Variants in AAGAB observed in about 807,000 individuals in gnomAD.
AAGAB encodes the protein alpha and gamma adaptin binding protein, also known as alpha- and gamma-adaptin-binding protein p34.
Under a neutral mutation model 44.1 loss-of-function variants are expected in AAGAB, and 38 were observed. The observed-to-expected ratio is 0.86, with a 90% CI of 0.67 to 1.13. AAGAB has a LOEUF of 1.13. AAGAB is among the 50% of genes most tolerant of loss of function. The pLI is 0.00. For synonymous variants in AAGAB, 131 were observed against 131.8 expected, an observed-to-expected ratio of 0.99 and a Z score of 0.04; for missense variants, 450 against 373.8, an observed-to-expected ratio of 1.20 and a Z score of -1.68.
upstream of AAGAB, chr15:67,254,929 C>T (rs777735907): frequency 1.9e-6 from 3 of 1,613,628 alleles, no homozygotes; most frequent in South Asian, 2.2e-5. Flanking sequence ...ACGACCCTGT[C>T]GGATCCATCT....
chr15:67,250,749 G>A (rs1291736293), intron 1 of AAGAB, among the ~76,000 whole-genome samples: 2 of 152,082 alleles, frequency 1.3e-5, no homozygotes, highest in African/African-American at 2.4e-5. Context: ...CCCTGTCGCC[G>A]GGTGCGGTGG....
At chr15:67,218,585 A>C (rs1345214928) in intron 5 of AAGAB, among the ~76,000 whole-genome samples, 1 of 152,206 alleles carries the variant, frequency 6.6e-6, no homozygotes, top group Non-Finnish European at 1.5e-5. Flanking sequence ...TAGATCATCT[A>C]GGCTTGCAAT....
chr15:67,254,250 T>C (rs151328686), intron 1 of AAGAB: 4,514 of 424,580 alleles, frequency 0.011, 33 homozygotes, highest in Non-Finnish European at 0.014. Flanking sequence ...CTAGCGCAAT[T>C]TCCGGAGAGC....
chr15:67,230,019 G>GT (rs1209165292), intron 5 of AAGAB, among the ~76,000 whole-genome samples: 1 of 150,970 alleles, frequency 6.6e-6, no homozygotes, highest in African/African-American at 2.4e-5. Flanking sequence ...GCTAATTTTT[G>GT]TATTTTTTTT....
At chr15:67,252,896 T>C (rs1964904104) in intron 1 of AAGAB, among the ~76,000 whole-genome samples, 1 of 152,212 alleles carries the variant, frequency 6.6e-6, no homozygotes, top group South Asian at 2.1e-4. Context: ...GCAAAGAAAT[T>C]ATAATTATAC....
At position 67,203,599 on chromosome 15, in the gene AAGAB, TA is replaced by T; in HGVS notation, c.821-3del. The T allele has an allele frequency of 1.2e-6, 2 of 1,613,292 alleles. No homozygotes were observed. Among genetic ancestry groups the T allele is most frequent in the Non-Finnish European group, 1.7e-6 (2 of 1,179,706 alleles). ...CATGAGGAAGCGTCGCAGCCTTGTC[TA>T]GGGGGAAAATATATCTTAAGAAATT... On this transcript the variant is annotated splice_polypyrimidine_tract_variant and splice_region_variant and intron_variant, in intron 8 of 9. Transcript: ENST00000261880.
chr15:67,222,240 GCGCACACACACACACACACACA>G (rs1387690623), intron 5 of AAGAB, among the ~76,000 whole-genome samples: 6 of 88,194 alleles, frequency 6.8e-5, no homozygotes, highest in African/African-American at 1.3e-4. Context: ...ACGCGCGCGC[GCGCACACACACACACACACACA>G]CACACACACA....
At chr15:67,243,496 C>T (rs1272515107) in intron 1 of AAGAB, among the ~76,000 whole-genome samples, 4 of 152,140 alleles carry the variant, frequency 2.6e-5, no homozygotes, top group Non-Finnish European at 1.5e-5. Flanking sequence ...CAAAGGTCAA[C>T]ACCTTTAGAC....
intron 5 of AAGAB, among the ~76,000 whole-genome samples, chr15:67,228,631 C>T (rs978595328): frequency 2.0e-5 from 3 of 152,136 alleles, no homozygotes; most frequent in African/African-American, 7.2e-5. Flanking sequence ...TCAGTATACA[C>T]CCAAAGGAAT....
intron 5 of AAGAB, among the ~76,000 whole-genome samples, chr15:67,213,244 G>A (rs528513879): frequency 4.5e-4 from 69 of 152,164 alleles, no homozygotes; most frequent in Non-Finnish European, 4.4e-4. Flanking sequence ...GAAAAAATCT[G>A]GCGGTGCTGG....
intron 5 of AAGAB, among the ~76,000 whole-genome samples, chr15:67,218,748 A>G (rs1036895697): frequency 6.6e-6 from 1 of 152,232 alleles, no homozygotes; most frequent in African/African-American, 2.4e-5. Flanking sequence ...CAATAAAGGG[A>G]CATTATCAAA....
At chr15:67,220,129 G>A (rs1964034958) in intron 5 of AAGAB, among the ~76,000 whole-genome samples, 1 of 152,172 alleles carries the variant, frequency 6.6e-6, no homozygotes, top group African/African-American at 2.4e-5. Flanking sequence ...GCTGTACTTT[G>A]TTAAGTGCAA....
rs368646824 is a variant in AAGAB, at chr15:67,243,873, T to C, written c.74-7053A>G. Reference sequence around the variant, plus strand: ...GATAAAGTCTATCTCAAGTGTCTTCTTTGATTATTAACCATAAAAATTATT... The same window carrying C: ...GATAAAGTCTATCTCAAGTGTCTTCCTTGATTATTAACCATAAAAATTATT... On this transcript the variant is annotated intron_variant, in intron 1 of 9. Coordinates refer to ENST00000261880, the MANE Select transcript of AAGAB (RefSeq NM_024666.5). 3.3e-5 allele frequency among the ~76,000 whole-genome samples: 5 copies of C among 152,256 alleles called. No homozygotes were observed. In the East Asian group the frequency reaches 7.7e-4, roughly 23 times the overall value.
At chr15:67,252,295 T>C (rs904216031) in intron 1 of AAGAB, among the ~76,000 whole-genome samples, 26 of 152,348 alleles carry the variant, frequency 1.7e-4, no homozygotes, top group African/African-American at 5.8e-4. Flanking sequence ...AAGACTTCCA[T>C]GTATCGCTAA....
At chr15:67,207,364 T>C (rs1057182205) in intron 7 of AAGAB, among the ~76,000 whole-genome samples, 1 of 152,192 alleles carries the variant, frequency 6.6e-6, no homozygotes, top group Non-Finnish European at 1.5e-5. Context: ...ACATCTGTAT[T>C]TATTTTCTTA....
chr15:67,244,783 AAG>A lies in AAGAB; in HGVS notation c.74-7965_74-7964del, dbSNP rs897729171. ...CACACCACTGCACTCCAGCCTGGGC[AAG>A]AGAGTGAGACTCCGTCTTAAAAAAA... On this transcript the variant is annotated intron_variant, in intron 1 of 9. Transcript: ENST00000261880. Among the ~76,000 whole-genome samples, 19 of 152,202 alleles carry A rather than the reference AAG, an allele frequency of 1.2e-4. 1 individual carries two copies. The highest frequency in any genetic ancestry group is 4.6e-4 in the African/African-American group (19 of 41,536).
chr15:67,214,268 A>T (rs915488891), intron 5 of AAGAB, among the ~76,000 whole-genome samples: 2 of 152,248 alleles, frequency 1.3e-5, no homozygotes, highest in African/African-American at 4.8e-5. Flanking sequence ...TGAATAACTC[A>T]GGACTGAATA....
chr15:67,245,031 G>A (rs545229639), intron 1 of AAGAB, among the ~76,000 whole-genome samples: 41 of 152,072 alleles, frequency 2.7e-4, no homozygotes, highest in African/African-American at 9.2e-4. Flanking sequence ...CCAAAGATAC[G>A]GAGAAATTAG....
chr15:67,203,587 C>T lies in AAGAB; in HGVS notation c.831G>A (p.Ala277=), dbSNP rs749299363. The T allele has an allele frequency of 1.2e-6, 2 of 1,613,550 alleles. No individual in the cohort carries two copies. The highest frequency in any genetic ancestry group is 1.7e-5 in the Admixed American group (1 of 60,010). ...CTTTTCTTTGCTCATGAGGAAGCGT[C>T]GCAGCCTTGTCTAGGGGGAAAATAT... ...SKLKEMKDKA[A]TLPHEQRKVH... is the part of the protein sequence containing the mutation. Residue 277 remains alanine, a synonymous_variant, in exon 9 of 10, where the codon GCG becomes GCA. Coordinates refer to ENST00000261880, the MANE Select transcript of AAGAB (RefSeq NM_024666.5).
Sources: gnomAD v4.1 joint callset for allele counts (sites outside exome capture counted in the v4.1 genomes callset) on GRCh38, gnomAD v4.1.1 for gene constraint, MANE v1.5 for transcripts, NCBI Gene and HGNC (gene_info 2026-07-23, HGNC 2026-07-21) for gene names.